NBEAL1: variants seen among roughly 807,000 people sequenced by gnomAD.
NBEAL1 encodes the protein neurobeachin-like protein 1.
A neutral mutation model predicts 351.3 loss-of-function variants in NBEAL1; 273 were observed. The observed-to-expected ratio is 0.78, with a 90% CI of 0.70 to 0.86. The LOEUF (loss-of-function observed/expected upper bound fraction) is 0.86. Ranked by LOEUF, NBEAL1 falls within the 40% of genes least tolerant of loss-of-function variation. NBEAL1 has a pLI of 0.00. For missense variants in NBEAL1, 2,961 were observed against 3,201.3 expected, an observed-to-expected ratio of 0.92 and a Z score of 1.81; for synonymous variants, 1,050 against 1,086.4, an observed-to-expected ratio of 0.97 and a Z score of 0.66.
chr2:203,085,849 ACT>A (rs2061953217), intron 10 of NBEAL1: 1 of 152,208 alleles, frequency 6.6e-6, no homozygotes, highest in Admixed American at 6.5e-5. Flanking sequence ...TAATTCCCAT[ACT>A]TCCTAATGTA....
intron 3 of NBEAL1, among the ~76,000 whole-genome samples, chr2:203,044,790 G>A (rs2061200604): frequency 6.6e-6 from 1 of 152,114 alleles, no homozygotes; most frequent in Non-Finnish European, 1.5e-5. Flanking sequence ...AAAGTAAACT[G>A]ACCTTAGAGA....
chr2:203,172,656 A>G (rs776154255), intron 40 of NBEAL1, 73 bp from the exon 41 acceptor site: 1 of 1,330,122 alleles, frequency 7.5e-7, no homozygotes, highest in Non-Finnish European at 1.0e-6. Flanking sequence ...TTAGATAACC[A>G]TTTGATATTA....
intron 2 of NBEAL1, among the ~76,000 whole-genome samples, chr2:203,028,396 G>C (rs571269766): frequency 5.9e-5 from 9 of 152,064 alleles, no homozygotes; most frequent in African/African-American, 2.2e-4. Flanking sequence ...TTTTAATTAA[G>C]ATATATAACT....
intron 44 of NBEAL1, among the ~76,000 whole-genome samples, chr2:203,185,854 C>G (rs1240541619): frequency 6.6e-6 from 1 of 152,210 alleles, no homozygotes; most frequent in Non-Finnish European, 1.5e-5. Context: ...TAAGCAGTAA[C>G]AGTATCAATG....
At chr2:203,162,300 A>C (rs1274648442) in intron 36 of NBEAL1, among the ~76,000 whole-genome samples, 1 of 152,148 alleles carries the variant, frequency 6.6e-6, no homozygotes, top group Admixed American at 6.5e-5. Context: ...CTGGGACTAC[A>C]GGTGTGAGCC....
chr2:203,121,992 G>A (rs2062843181), intron 18 of NBEAL1, among the ~76,000 whole-genome samples: 1 of 151,828 alleles, frequency 6.6e-6, no homozygotes, highest in Non-Finnish European at 1.5e-5. Flanking sequence ...TACCATGTTG[G>A]CCAGGCTGGT....
At chr2:203,177,657 A>G (rs2064551791) in intron 42 of NBEAL1, among the ~76,000 whole-genome samples, 1 of 152,188 alleles carries the variant, frequency 6.6e-6, no homozygotes, top group Non-Finnish European at 1.5e-5. Flanking sequence ...AGCCTTATAA[A>G]TACTGCCAGT....
intron 36 of NBEAL1, among the ~76,000 whole-genome samples, chr2:203,165,691 A>G (rs1027045219): frequency 1.5e-4 from 23 of 152,222 alleles, no homozygotes; most frequent in Non-Finnish European, 2.1e-4. Flanking sequence ...AATATGCAGA[A>G]TACTTCTTGA....
At chr2:203,130,504 A>G (rs1211954264) in intron 25 of NBEAL1, 28 bp downstream of exon 25, 7 of 1,367,520 alleles carry the variant, frequency 5.1e-6, no homozygotes, top group East Asian at 6.1e-5. Context: ...ACATCTTTGT[A>G]TTTTGAGGCG....
At chr2:203,157,924 T>A in intron 36 of NBEAL1, 99 bp downstream of exon 36, 1 of 977,506 alleles carries the variant, frequency 1.0e-6, no homozygotes, top group Non-Finnish European at 1.4e-6. Flanking sequence ...ATTTCCAGGG[T>A]CCAACAGTTA....
chr2:203,024,287 G>A (rs1041105573), intron 2 of NBEAL1, among the ~76,000 whole-genome samples: 1 of 152,060 alleles, frequency 6.6e-6, no homozygotes, highest in Admixed American at 6.6e-5. Flanking sequence ...TCCGCATCTG[G>A]TGGTTCACAC....
rs758191180 is a variant in NBEAL1, at chr2:203,209,312, C to T, written c.7775C>T (p.Thr2592Ile). 24 of 1,613,300 alleles carry T rather than the reference C, an allele frequency of 1.5e-5. 1 individual carries two copies. In the South Asian group the frequency reaches 2.4e-4, roughly 16 times the overall value. Residue 2592 changes from threonine (T) to isoleucine (I), a missense_variant, in exon 53 of 56, where the codon ACC becomes ATC. Coordinates refer to ENST00000683969, the MANE Select transcript of NBEAL1 (RefSeq NM_001378026.1). Reference protein sequence around the residue: ...IVVYSSTEEKTTLKDKNALHL... With the variant: ...IVVYSSTEEKITLKDKNALHL... ...GTCTACTCCAGCACTGAAGAAAAGACCACCCTCAAGGTATATGACCTTTCA... is the reference window on the plus strand; with the variant it reads ...GTCTACTCCAGCACTGAAGAAAAGATCACCCTCAAGGTATATGACCTTTCA...
chr2:203,073,746 A>G (rs1052366518), intron 7 of NBEAL1, among the ~76,000 whole-genome samples: 1 of 151,760 alleles, frequency 6.6e-6, no homozygotes, highest in Admixed American at 6.6e-5. Flanking sequence ...TATTTTTTCT[A>G]TTATCTTTAA....
chr2:203,106,322 C>A (rs1251057870), intron 12 of NBEAL1, among the ~76,000 whole-genome samples: 1 of 152,178 alleles, frequency 6.6e-6, no homozygotes, highest in African/African-American at 2.4e-5. Context: ...CTGAAACATG[C>A]CTTTCATTGT....
intron 51 of NBEAL1, among the ~76,000 whole-genome samples, chr2:203,203,914 TG>T (rs1026464468): frequency 6.0e-5 from 9 of 151,070 alleles, no homozygotes; most frequent in African/African-American, 2.2e-4. Context: ...TTTTGTTTTT[TG>T]TGTTTTTTTT....
chr2:203,208,650 T>C lies in NBEAL1; in HGVS notation c.7520T>C (p.Val2507Ala). Residue 2507 changes from valine (V) to alanine (A), a missense_variant, in exon 52 of 56, where the codon GTG (valine) becomes GCG (alanine). Physicochemically the swap from Val to Ala is moderately conservative, Grantham distance 64. Coordinates refer to ENST00000683969, the MANE Select transcript of NBEAL1 (RefSeq NM_001378026.1). ...TTGTATTATTAGGGAGGTGTTCCTG[T>C]GGGCTTAGCATCTAAACCTTTTCAG... ...WQITQQGGVPVGLASKPFQIL... is the reference protein window; with the variant it reads ...WQITQQGGVPAGLASKPFQIL... 1 of 1,608,178 alleles carries C rather than the reference T, an allele frequency of 6.2e-7. No individual in the cohort carries two copies. Among genetic ancestry groups the C allele is most frequent in the South Asian group, 1.1e-5 (1 of 89,356 alleles).
At chr2:203,044,344 C>G (rs183858867) in intron 3 of NBEAL1, among the ~76,000 whole-genome samples, 15 of 152,182 alleles carry the variant, frequency 9.9e-5, no homozygotes, top group Middle Eastern at 3.4e-3. Flanking sequence ...ATGATTTGTG[C>G]TTAGAAGGAC....
At chr2:203,181,732 A>G (rs903995214) in intron 43 of NBEAL1, 1 of 152,220 alleles carries the variant, frequency 6.6e-6, no homozygotes, top group African/African-American at 2.4e-5. Context: ...CACTTTGACC[A>G]TGAACTCTGG....
At chr2:203,155,594 C>A (rs1315528377) in intron 35 of NBEAL1, among the ~76,000 whole-genome samples, 1 of 151,958 alleles carries the variant, frequency 6.6e-6, no homozygotes, top group African/African-American at 2.4e-5. Context: ...TGTACCACCA[C>A]ACCCAGCTAA....
Sources: gnomAD v4.1 joint callset for allele counts (sites outside exome capture counted in the v4.1 genomes callset) on GRCh38, gnomAD v4.1.1 for gene constraint, MANE v1.5 for transcripts, NCBI Gene and HGNC (gene_info 2026-07-23, HGNC 2026-07-21) for gene names.